The following CFAP141 variants were observed in gnomAD, a reference collection of about 807,000 sequenced individuals.
CFAP141 encodes cilia and flagella associated protein 141, also known as cilia- and flagella-associated protein 141.
At chr1:154,200,031 T>C in the CFAP141 span, among the ~76,000 whole-genome samples, 1 of 152,168 alleles carries the variant, frequency 6.6e-6, no homozygotes, top group Non-Finnish European at 1.5e-5. Context: ...AGTGCCACCA[T>C]GCCCGGCCAA....
At chr1:154,202,478 A>T in the CFAP141 span, among the ~76,000 whole-genome samples, 1 of 151,574 alleles carries the variant, frequency 6.6e-6, no homozygotes, top group South Asian at 2.1e-4. Flanking sequence ...CATTTTCCAC[A>T]TGTTGAAAAA....
chr1:154,204,280 T>C, the CFAP141 span, among the ~76,000 whole-genome samples: 3 of 152,130 alleles, frequency 2.0e-5, no homozygotes, highest in African/African-American at 7.2e-5. Context: ...TGTATCAACC[T>C]AGACTCCTAT....
At chr1:154,199,485 T>G in the CFAP141 span, 1 of 1,613,574 alleles carries the variant, frequency 6.2e-7, no homozygotes, top group Non-Finnish European at 8.5e-7. Flanking sequence ...CTGGTACTGC[T>G]GATGCTCCTT....
At chr1:154,201,092 T>A in the CFAP141 span, among the ~76,000 whole-genome samples, 1 of 152,174 alleles carries the variant, frequency 6.6e-6, no homozygotes, top group African/African-American at 2.4e-5. Flanking sequence ...TATCATTTAA[T>A]CATTACAGTA....
the CFAP141 span, chr1:154,200,609 G>A: frequency 6.2e-7 from 1 of 1,613,468 alleles, no homozygotes; most frequent in South Asian, 1.1e-5. Flanking sequence ...TACAGAGGTG[G>A]GGGTTGAATG....
At chr1:154,204,468 T>C in the CFAP141 span, among the ~76,000 whole-genome samples, 3 of 152,124 alleles carry the variant, frequency 2.0e-5, no homozygotes, top group Admixed American at 6.6e-5. Flanking sequence ...TTGGTAGAGA[T>C]GGGGGTCTTG....
At chr1:154,204,911 T>G in the CFAP141 span, among the ~76,000 whole-genome samples, 1 of 149,108 alleles carries the variant, frequency 6.7e-6, no homozygotes, top group African/African-American at 2.5e-5. Flanking sequence ...TCTTGCTCTG[T>G]CACCCAGGCT....
chr1:154,199,836 G>A, the CFAP141 span, among the ~76,000 whole-genome samples: 1 of 152,060 alleles, frequency 6.6e-6, no homozygotes, highest in Non-Finnish European at 1.5e-5. Context: ...GAGAGAGAGA[G>A]GTACCGAGAG....
the CFAP141 span, among the ~76,000 whole-genome samples, chr1:154,203,414 C>T: frequency 6.7e-6 from 1 of 149,952 alleles, no homozygotes; most frequent in Non-Finnish European, 1.5e-5. Context: ...CGTGTGCCAC[C>T]ACGCCCAGGT....
At chr1:154,202,223 C>A in the CFAP141 span, among the ~76,000 whole-genome samples, 1 of 152,028 alleles carries the variant, frequency 6.6e-6, no homozygotes, top group African/African-American at 2.4e-5. Flanking sequence ...CAGGCGTAAG[C>A]CACCATGCCT....
At chr1:154,199,277 T>G in the CFAP141 span, 1 of 561,732 alleles carries the variant, frequency 1.8e-6, no homozygotes, top group Non-Finnish European at 3.2e-6. Flanking sequence ...AACGAGAGAG[T>G]GGAGAAGTGA....
At chr1:154,199,644 T>G in the CFAP141 span, 1 of 710,830 alleles carries the variant, frequency 1.4e-6, no homozygotes, top group Non-Finnish European at 2.4e-6. Context: ...GACTTAGCTG[T>G]GACATAAAGC....
At chr1:154,200,885 T>G in the CFAP141 span, among the ~76,000 whole-genome samples, 2 of 152,072 alleles carry the variant, frequency 1.3e-5, no homozygotes, top group Non-Finnish European at 2.9e-5. Flanking sequence ...GGTTTCACCA[T>G]ATTGGTCAGG....
At chr1:154,199,502 C>T in the CFAP141 span, 1 of 1,613,334 alleles carries the variant, frequency 6.2e-7, no homozygotes, top group East Asian at 2.2e-5. Context: ...CCTTTTCAAA[C>T]AGCTGGTGCA....
chr1:154,200,362 A>T, the CFAP141 span: 1 of 1,310,938 alleles, frequency 7.6e-7, no homozygotes, highest in Non-Finnish European at 1.1e-6. Context: ...AAACAAGATA[A>T]ATGTGCAATG....
At chr1:154,205,922 C>T in the CFAP141 span, among the ~76,000 whole-genome samples, 3 of 152,120 alleles carry the variant, frequency 2.0e-5, no homozygotes, top group Admixed American at 6.5e-5. Context: ...AGGCTAGTCT[C>T]GAACTCCTGA....
At chr1:154,200,545 C>T in the CFAP141 span, 1 of 1,614,188 alleles carries the variant, frequency 6.2e-7, no homozygotes, top group Non-Finnish European at 8.5e-7. Context: ...CTTCTCTGGC[C>T]CAATGCCATT....
the CFAP141 span, chr1:154,200,574 T>C: frequency 2.5e-6 from 4 of 1,614,146 alleles, no homozygotes; most frequent in African/African-American, 1.3e-5. Context: ...ACAGTGAGTA[T>C]GTGAATTTCG....
chr1:154,205,007 G>A, the CFAP141 span, among the ~76,000 whole-genome samples: 3 of 150,312 alleles, frequency 2.0e-5, no homozygotes, highest in African/African-American at 7.4e-5. Flanking sequence ...TCAGCCTCCC[G>A]AGTAGCTGGG....
Sources: allele counts gnomAD v4.1 joint callset (sites outside exome capture counted in the v4.1 genomes callset), GRCh38; gene constraint gnomAD v4.1.1; transcripts MANE v1.5; gene names NCBI Gene and HGNC (gene_info 2026-07-23, HGNC 2026-07-21).